Variants in FBXL17 observed in about 807,000 individuals in gnomAD.
The protein encoded by FBXL17 is F-box and leucine rich repeat protein 17.
Under a neutral mutation model 66.2 loss-of-function variants are expected in FBXL17, and 22 were observed. The observed-to-expected ratio is 0.33, with a 90% CI of 0.24 to 0.47. The LOEUF (loss-of-function observed/expected upper bound fraction) is 0.47, where lower values mean the gene tolerates loss of function less well. Ranked by LOEUF, FBXL17 falls within the 20% of genes least tolerant of loss-of-function variation. FBXL17 has a pLI of 1.00. For missense variants in FBXL17, 878 were observed against 948.2 expected (o/e 0.93, Z 0.97); for synonymous variants, 474 against 400.5 (o/e 1.18, Z -2.19).
intron 6 of FBXL17, among the ~76,000 whole-genome samples, chr5:108,165,589 T>C (rs952649295): frequency 1.3e-5 from 2 of 152,134 alleles, no homozygotes; most frequent in Non-Finnish European, 2.9e-5. Context: ...GCCTCACAAT[T>C]AATGGAAAGC....
chr5:108,129,842 C>T (rs913551064), intron 6 of FBXL17, among the ~76,000 whole-genome samples: 1 of 151,674 alleles, frequency 6.6e-6, no homozygotes, highest in African/African-American at 2.4e-5. Flanking sequence ...GGTTAAATTA[C>T]CATTTTTAAA....
rs546807895 is a variant in FBXL17, at chr5:108,119,647, C to G, written c.1745+66470G>C. 3.3e-5 allele frequency among the ~76,000 whole-genome samples: 5 copies of G among 152,284 alleles called. No individual in the cohort carries two copies. The South Asian group carries it at 1.0e-3, about 32-fold the overall frequency. On this transcript the variant is annotated intron_variant, in intron 6 of 8. Coordinates refer to ENST00000542267, the MANE Select transcript of FBXL17 (RefSeq NM_001163315.3). ...AAATTAAATAAGAACATCTGATACTCTAATGAGGAGGAATTAGCTGTATAG... is the reference window on the plus strand; with the variant it reads ...AAATTAAATAAGAACATCTGATACTGTAATGAGGAGGAATTAGCTGTATAG...
At chr5:108,168,750 C>T (rs768553411) in intron 6 of FBXL17, among the ~76,000 whole-genome samples, 2 of 152,110 alleles carry the variant, frequency 1.3e-5, no homozygotes, top group Non-Finnish European at 2.9e-5. Flanking sequence ...TGCATACCCC[C>T]AAGAAAACCA....
intron 8 of FBXL17, among the ~76,000 whole-genome samples, chr5:107,864,047 A>C (rs1316502795): frequency 6.6e-6 from 1 of 152,268 alleles, no homozygotes; most frequent in African/African-American, 2.4e-5. Context: ...GAACCAAGGC[A>C]TGTTACTTCT....
chr5:107,889,332 A>G (rs1749115137), intron 7 of FBXL17, among the ~76,000 whole-genome samples: 1 of 152,226 alleles, frequency 6.6e-6, no homozygotes, highest in African/African-American at 2.4e-5. Context: ...AAAATGTTGC[A>G]AATGCTCAAT....
At chr5:108,131,126 T>C (rs1014685907) in intron 6 of FBXL17, among the ~76,000 whole-genome samples, 3 of 152,132 alleles carry the variant, frequency 2.0e-5, no homozygotes, top group Non-Finnish European at 4.4e-5. Context: ...TTGTTTTATA[T>C]CTATTCTGAC....
intron 1 of FBXL17, among the ~76,000 whole-genome samples, chr5:108,372,956 G>A (rs961517345): frequency 2.6e-5 from 4 of 151,848 alleles, no homozygotes; most frequent in Admixed American, 2.6e-4. Flanking sequence ...CAGTAATTAT[G>A]AATCTATATT....
intron 7 of FBXL17, among the ~76,000 whole-genome samples, chr5:107,978,747 A>G (rs1752686154): frequency 6.6e-6 from 1 of 152,178 alleles, no homozygotes; most frequent in South Asian, 2.1e-4. Flanking sequence ...AAAAACCCCA[A>G]TCTCCAAGCC....
At chr5:107,955,242 T>G (rs577030462) in intron 7 of FBXL17, among the ~76,000 whole-genome samples, 28 of 152,012 alleles carry the variant, frequency 1.8e-4, no homozygotes, top group Non-Finnish European at 3.8e-4. Context: ...GACCATAAAT[T>G]CAACACACAT....
At chr5:108,053,907 T>C (rs1395714757) in intron 6 of FBXL17, among the ~76,000 whole-genome samples, 1 of 152,146 alleles carries the variant, frequency 6.6e-6, no homozygotes, top group Non-Finnish European at 1.5e-5. Context: ...GTGGTACATA[T>C]ACACCATGAA....
At chr5:108,335,002 G>A (rs1760310196) in intron 4 of FBXL17, among the ~76,000 whole-genome samples, 1 of 152,138 alleles carries the variant, frequency 6.6e-6, no homozygotes, top group Non-Finnish European at 1.5e-5. Flanking sequence ...TACACTATTG[G>A]TGTGAGAATA....
chr5:108,121,916 A>C (rs1750518445), intron 6 of FBXL17, among the ~76,000 whole-genome samples: 1 of 152,146 alleles, frequency 6.6e-6, no homozygotes, highest in Admixed American at 6.6e-5. Context: ...GGATGACAAG[A>C]GATACTTTGT....
At chr5:108,143,257 T>A (rs1003620812) in intron 6 of FBXL17, among the ~76,000 whole-genome samples, 1 of 151,608 alleles carries the variant, frequency 6.6e-6, no homozygotes, top group African/African-American at 2.4e-5. Context: ...ACATTACAGA[T>A]CCCACCATGC....
At chr5:108,282,538 G>A (rs190259483) in intron 4 of FBXL17, among the ~76,000 whole-genome samples, 90 of 151,696 alleles carry the variant, frequency 5.9e-4, no homozygotes, top group Non-Finnish European at 7.1e-4. Context: ...GGCTATATAC[G>A]ACAAAACCAC....
At chr5:108,315,220 T>TA (rs1580800918) in intron 4 of FBXL17, among the ~76,000 whole-genome samples, 1 of 151,166 alleles carries the variant, frequency 6.6e-6, no homozygotes. Flanking sequence ...TTTATCTTTT[T>TA]AAAATCTATT....
chr5:108,289,838 C>T (rs1758041268), intron 4 of FBXL17, among the ~76,000 whole-genome samples: 1 of 152,132 alleles, frequency 6.6e-6, no homozygotes, highest in Admixed American at 6.6e-5. Flanking sequence ...ATGTGACTTA[C>T]AGTATGTGCT....
At chr5:108,287,740 T>C (rs887270010) in intron 4 of FBXL17, among the ~76,000 whole-genome samples, 2 of 152,024 alleles carry the variant, frequency 1.3e-5, no homozygotes, top group South Asian at 4.1e-4. Context: ...AGAACTATCA[T>C]TCAACCCAGC....
rs1334449654 is a variant in FBXL17, at chr5:107,897,788, T to TA, written c.1823-16610dup. Reference sequence around the variant, plus strand: ...CCATTGAAGATGCCATTCTTATTATTAAAAAAAAAAAGCTGTGAAAACAAT... The same window carrying TA: ...CCATTGAAGATGCCATTCTTATTATTAAAAAAAAAAAAGCTGTGAAAACAAT... On this transcript the variant is annotated intron_variant, in intron 7 of 8. Coordinates refer to ENST00000542267, the MANE Select transcript of FBXL17 (RefSeq NM_001163315.3). Among the ~76,000 whole-genome samples the TA allele has an allele frequency of 4.5e-3, 644 of 143,910 alleles. 4 individuals are homozygous for TA. The highest frequency in any genetic ancestry group is 0.014 in the African/African-American group (552 of 39,374). 94.4% of individuals were successfully genotyped at this position (143,910 alleles called of 152,430 possible).
At chr5:108,230,084 G>C (rs1244373211) in intron 4 of FBXL17, among the ~76,000 whole-genome samples, 1 of 152,190 alleles carries the variant, frequency 6.6e-6, no homozygotes, top group East Asian at 1.9e-4. Context: ...TGTTGGCGTA[G>C]ATGTGGTTAA....
Sources: allele counts gnomAD v4.1 joint callset (sites outside exome capture counted in the v4.1 genomes callset), GRCh38; gene constraint gnomAD v4.1.1; transcripts MANE v1.5; gene names NCBI Gene and HGNC (gene_info 2026-07-23, HGNC 2026-07-21).